Variants in ASIC2 observed in about 807,000 individuals in gnomAD.
ASIC2 encodes the protein acid-sensing ion channel 2.
In ASIC2, 25 loss-of-function variants were observed where a neutral mutation model predicts 57.3. That is an observed-to-expected ratio of 0.44 (90% CI 0.32 to 0.61). The LOEUF is 0.61. Among genes scored for constraint, ASIC2 ranks in the 20% least tolerant of loss-of-function variants. The probability of loss-of-function intolerance (pLI) is 0.06; values close to 1 mark genes in which losing one functional copy is unlikely to be tolerated. For synonymous variants in ASIC2, 319 were observed against 307.5 expected (o/e 1.04, Z -0.39); for missense variants, 641 against 738.1 (o/e 0.87, Z 1.52).
At chr17:33,406,745 A>C (rs1431731617) in intron 1 of ASIC2, among the ~76,000 whole-genome samples, 1 of 152,224 alleles carries the variant, frequency 6.6e-6, no homozygotes, top group East Asian at 1.9e-4. Context: ...AGTACTTATT[A>C]AGACCATGGA....
intron 1 of ASIC2, among the ~76,000 whole-genome samples, chr17:33,927,360 G>A (rs1206430730): frequency 6.6e-6 from 1 of 152,194 alleles, no homozygotes; most frequent in East Asian, 1.9e-4. Flanking sequence ...TCCAATGTGA[G>A]GGTAGTAAGA....
chr17:33,951,637 C>T (rs1338016856), intron 1 of ASIC2, among the ~76,000 whole-genome samples: 1 of 151,692 alleles, frequency 6.6e-6, no homozygotes, highest in Non-Finnish European at 1.5e-5. Context: ...GGCTGGAGTA[C>T]AGTGGCGCCA....
At chr17:33,129,299 A>G (rs1460520315) in intron 1 of ASIC2, among the ~76,000 whole-genome samples, 2 of 152,230 alleles carry the variant, frequency 1.3e-5, no homozygotes, top group Non-Finnish European at 2.9e-5. Flanking sequence ...GTCTCCTTCT[A>G]TTAATGTTGA....
chr17:34,039,877 A>ACTGCCGCCG, intron 1 of ASIC2: 1 of 1,597,720 alleles, frequency 6.3e-7, no homozygotes, highest in Admixed American at 1.7e-5. Flanking sequence ...CATCATTTCT[A>ACTGCCGCCG]CTGCCGCCGC....
chr17:33,126,642 T>C (rs1212032142), intron 1 of ASIC2, among the ~76,000 whole-genome samples: 1 of 151,972 alleles, frequency 6.6e-6, no homozygotes, highest in African/African-American at 2.4e-5. Context: ...AAAAATTAGC[T>C]GGATGTGGTG....
chr17:33,803,580 C>CCTTTT (rs1443692013), intron 1 of ASIC2, among the ~76,000 whole-genome samples: 1 of 149,368 alleles, frequency 6.7e-6, no homozygotes, highest in Non-Finnish European at 1.5e-5. Flanking sequence ...AACACATTTC[C>CCTTTT]CTTTTCTTTT....
At chr17:33,488,859 A>G (rs2141932473) in intron 1 of ASIC2, among the ~76,000 whole-genome samples, 1 of 152,116 alleles carries the variant, frequency 6.6e-6, no homozygotes, top group Non-Finnish European at 1.5e-5. Context: ...CTCCATCCCC[A>G]TGATGGTACA....
intron 1 of ASIC2, among the ~76,000 whole-genome samples, chr17:33,122,266 C>T (rs538565482): frequency 2.0e-5 from 3 of 152,160 alleles, no homozygotes; most frequent in Non-Finnish European, 4.4e-5. Context: ...GGGGTGCTCA[C>T]GGTACAGCAG....
In ASIC2 at chr17:33,678,885, A is replaced by T. The variant is rs527345608; in HGVS notation, c.555+477093T>A. On this transcript the variant is annotated intron_variant, in intron 1 of 9. Coordinates refer to the ASIC2 transcript ENST00000359872. ...ACCACCCTGGGAGACAAATGGAGCA[A>T]GTGAGTGCCTCTCCATTTAACAGAT... Among the ~76,000 whole-genome samples the T allele has an allele frequency of 3.3e-5, 5 of 152,256 alleles. No individual in the cohort carries two copies. The East Asian group carries it at 9.7e-4, about 29-fold the overall frequency.
intron 1 of ASIC2, among the ~76,000 whole-genome samples, chr17:33,207,774 A>C (rs1053223240): frequency 2.0e-5 from 3 of 152,178 alleles, no homozygotes; most frequent in Non-Finnish European, 4.4e-5. Flanking sequence ...GGTGCCTCTC[A>C]GGAGTTGCTC....
chr17:34,045,603 T>C (rs994126697), intron 1 of ASIC2, among the ~76,000 whole-genome samples: 10 of 152,214 alleles, frequency 6.6e-5, no homozygotes, highest in African/African-American at 2.2e-4. Context: ...TTACTTTCCC[T>C]GCATGGACTT....
At chr17:33,493,548 CTTCA>C (rs1474970178) in intron 1 of ASIC2, among the ~76,000 whole-genome samples, 1 of 152,172 alleles carries the variant, frequency 6.6e-6, no homozygotes, top group African/African-American at 2.4e-5. Flanking sequence ...TTCTTGCCCC[CTTCA>C]GTCAGTCAAG....
rs188717584 is a variant in ASIC2, at chr17:34,151,424, T to A, written c.555+4554A>T. Among the ~76,000 whole-genome samples the A allele has an allele frequency of 2.6e-5, 4 of 152,276 alleles. No individual in the cohort carries two copies. The East Asian group carries it at 7.7e-4, about 29-fold the overall frequency. On this transcript the variant is annotated intron_variant, in intron 1 of 9. Transcript: ENST00000359872. ...TATTTGATTGACAAAGGAATAACCA[T>A]GCATGAAGCACTATGACACACTGCT...
intron 1 of ASIC2, chr17:33,936,131 G>A (rs1457645686): frequency 1.3e-5 from 2 of 152,294 alleles, no homozygotes; most frequent in African/African-American, 4.8e-5. Context: ...GGGTGCGGGG[G>A]CGTTTGGTAG....
chr17:33,115,932 C>A (rs567887646), intron 1 of ASIC2, among the ~76,000 whole-genome samples: 2 of 152,310 alleles, frequency 1.3e-5, no homozygotes, highest in East Asian at 3.9e-4. Flanking sequence ...TCTGTGTTGG[C>A]TGGCCTCACT....
intron 1 of ASIC2, among the ~76,000 whole-genome samples, chr17:33,730,333 T>C (rs1290869747): frequency 6.6e-6 from 1 of 152,192 alleles, no homozygotes; most frequent in African/African-American, 2.4e-5. Flanking sequence ...GATCTCACAT[T>C]CCTGGGATGA....
intron 1 of ASIC2, among the ~76,000 whole-genome samples, chr17:33,462,538 C>T (rs1352775247): frequency 6.6e-6 from 1 of 152,180 alleles, no homozygotes; most frequent in Admixed American, 6.5e-5. Flanking sequence ...ACCTACCAGC[C>T]CTAGACCTTC....
chr17:33,111,092 C>T (rs74742081), intron 2 of ASIC2, among the ~76,000 whole-genome samples: 4,493 of 152,256 alleles, frequency 0.03, 87 homozygotes, highest in Non-Finnish European at 0.043. Flanking sequence ...TCTTTGCCTC[C>T]GTCATCACAC....
intron 1 of ASIC2, among the ~76,000 whole-genome samples, chr17:34,078,224 C>T (rs9892716): frequency 9.2e-5 from 14 of 152,324 alleles, no homozygotes; most frequent in African/African-American, 2.6e-4. Flanking sequence ...GCCTTTCTCT[C>T]TAAACAGTGA....
Sources: gnomAD v4.1 joint callset for allele counts (sites outside exome capture counted in the v4.1 genomes callset) on GRCh38, gnomAD v4.1.1 for gene constraint, MANE v1.5 for transcripts, NCBI Gene and HGNC (gene_info 2026-07-23, HGNC 2026-07-21) for gene names.